BNIP1: variants seen among roughly 807,000 people sequenced by gnomAD.
The protein encoded by BNIP1 is vesicle transport protein SEC20.
BNIP1 carries 25 observed loss-of-function variants against 28.5 expected under a neutral mutation model. That is an observed-to-expected ratio of 0.88 (90% confidence interval 0.64 to 1.23). The LOEUF (loss-of-function observed/expected upper bound fraction) is 1.23, where lower values mean the gene tolerates loss of function less well. Ranked by LOEUF, BNIP1 falls within the 50% of genes most tolerant of loss-of-function variation. The pLI is 0.00. For synonymous variants in BNIP1, 118 were observed against 101.7 expected, an observed-to-expected ratio of 1.16 and a Z score of -0.96; for missense variants, 276 against 277.0, an observed-to-expected ratio of 1.00 and a Z score of 0.02.
intron 3 of BNIP1, among the ~76,000 whole-genome samples, chr5:173,157,384 A>G (rs5745152): frequency 0.029 from 4,473 of 152,094 alleles, 102 homozygotes; most frequent in Middle Eastern, 0.14. Context: ...AGACGCAGTT[A>G]GCTTTTTTAT....
At chr5:173,148,712 A>G (rs911504886) in intron 2 of BNIP1, among the ~76,000 whole-genome samples, 2 of 151,756 alleles carry the variant, frequency 1.3e-5, no homozygotes, top group African/African-American at 4.8e-5. Context: ...GCTCCTCTTC[A>G]TGCCCCTCTA....
At chr5:173,154,439 G>A (rs373926535) in intron 3 of BNIP1, 26 bp downstream of exon 3, 41 of 1,561,596 alleles carry the variant, frequency 2.6e-5, no homozygotes, top group African/African-American at 1.8e-4. Flanking sequence ...CCCCGCCAGC[G>A]GCTTCTGCTG....
intron 5 of BNIP1, chr5:173,161,465 C>T (rs903415692): frequency 6.6e-6 from 1 of 152,244 alleles, no homozygotes; most frequent in Non-Finnish European, 1.5e-5. Flanking sequence ...CTTTTATGCT[C>T]TGGTGTGGCG....
At chr5:173,147,523 C>A (rs61331217) in intron 2 of BNIP1, among the ~76,000 whole-genome samples, 1 of 152,080 alleles carries the variant, frequency 6.6e-6, no homozygotes, top group Admixed American at 6.5e-5. Context: ...CAAATACTTT[C>A]TCTTCTCTGC....
rs1156987141 is a variant in BNIP1, at chr5:173,158,730, C to T, written c.270-14C>T. On this transcript the variant is annotated splice_polypyrimidine_tract_variant and intron_variant, in intron 3 of 5. Coordinates refer to ENST00000351486, the MANE Select transcript of BNIP1 (RefSeq NM_001205.3). ...TGGAGTGGACACACTCACACGTGAA[C>T]CTTCCAATTCCAGCAATCAGGCCTC... is the stretch of plus-strand genomic sequence containing the variant. 1.6e-5 allele frequency: 25 copies of T among 1,606,602 alleles called. No homozygotes were observed. Among genetic ancestry groups the T allele is most frequent in the Non-Finnish European group, 2.1e-5 (25 of 1,174,446 alleles).
In BNIP1 at chr5:173,151,598, T is replaced by C. The variant is rs142177831; in HGVS notation, c.178-2724T>C. 5 of 1,613,530 alleles carry C rather than the reference T, an allele frequency of 3.1e-6. No individual in the cohort carries two copies. The African/African-American group carries it at 6.7e-5, about 22-fold the overall frequency. ...TCTATCAAAGGGCATTTATTTGGAC[T>C]GCTTCCACATTTTTTTTTAAGCTAA... On this transcript the variant is annotated intron_variant, in intron 2 of 5. Transcript: ENST00000351486.
Position 173,163,938 on chromosome 5 carries a change from G to A in BNIP1, c.*17G>A. ...TTTTTGTGAGATCCCAAAGGTGCCA[G>A]TTCTGGCCCTTTCAGCTCCTGTTTC... On this transcript the variant is annotated 3_prime_UTR_variant, in exon 6 of 6. Coordinates refer to ENST00000351486, the MANE Select transcript of BNIP1 (RefSeq NM_001205.3). 6.3e-7 allele frequency: 1 copy of A among 1,576,118 alleles called. No individual in the cohort carries two copies. The highest frequency in any genetic ancestry group is 2.3e-5 in the East Asian group (1 of 44,184).
chr5:173,151,394 G>A (rs1760012808), intron 2 of BNIP1, among the ~76,000 whole-genome samples: 1 of 151,534 alleles, frequency 6.6e-6, no homozygotes. Flanking sequence ...GCAAATTTTT[G>A]TAGTTTTTAT....
chr5:173,162,931 A>G (rs937565128), intron 5 of BNIP1, among the ~76,000 whole-genome samples: 4 of 152,098 alleles, frequency 2.6e-5, no homozygotes, highest in African/African-American at 4.8e-5. Flanking sequence ...ATGAAATACC[A>G]TTTATCTCCC....
At position 173,164,255 on chromosome 5, in the gene BNIP1, G is replaced by A. The variant is rs760606255; in HGVS notation, c.*334G>A. 1.9e-5 allele frequency: 4 copies of A among 212,214 alleles called. No homozygotes were observed. Among genetic ancestry groups the A allele is most frequent in the Non-Finnish European group, 2.8e-5 (3 of 107,778 alleles). The allele number at this position is 212,214 out of a possible 1,614,324, so 13.1% of individuals were successfully genotyped here. A position where few individuals can be genotyped will look rare whatever the true frequency, so the allele number is the denominator to read the frequency against. On this transcript the variant is annotated 3_prime_UTR_variant, in exon 6 of 6. Transcript: ENST00000351486. The surrounding 1 kb of genome is among the most constrained non-coding windows in gnomAD (Gnocchi z 4.0). ...GCCCCTCCTGTCTCCCGCTCCCATC[G>A]TGCCCTTAAATGCCAGATCTGGTGG...
chr5:173,156,249 A>G (rs1327666567), intron 3 of BNIP1, among the ~76,000 whole-genome samples: 2 of 152,196 alleles, frequency 1.3e-5, no homozygotes, highest in Non-Finnish European at 2.9e-5. Context: ...TGTATAAAGT[A>G]TGGTAAGTTA....
chr5:173,158,661 T>G, intron 3 of BNIP1, 83 bp from the exon 4 acceptor site: 29 of 1,094,604 alleles, frequency 2.6e-5, no homozygotes, highest in Non-Finnish European at 3.9e-5. Context: ...CCGTGTGCCT[T>G]TGTTGGGGGG....
Position 173,156,515 on chromosome 5 carries a change from G to T in BNIP1, c.269+2102G>T, listed in dbSNP as rs1760190064. On this transcript the variant is annotated intron_variant, in intron 3 of 5. Transcript: ENST00000351486. ...AAATTAGCTGGGGGCATGCTGATGTGTGCCTGTAGTCTCAACTACTTGGGA... is the reference window on the plus strand; with the variant it reads ...AAATTAGCTGGGGGCATGCTGATGTTTGCCTGTAGTCTCAACTACTTGGGA... Among the ~76,000 whole-genome samples, 3 of 152,086 alleles carry T rather than the reference G, an allele frequency of 2.0e-5. No homozygotes were observed. The South Asian group carries it at 6.2e-4, about 32-fold the overall frequency.
chr5:173,150,257 CAAAA>C (rs554893099), intron 2 of BNIP1, among the ~76,000 whole-genome samples: 4 of 74,266 alleles, frequency 5.4e-5, no homozygotes, highest in African/African-American at 1.0e-4. Context: ...GACCCTGTCT[CAAAA>C]AAAAAAAAAA....
At chr5:173,163,666 A>G in intron 5 of BNIP1, 59 bp from the exon 6 acceptor site, 1 of 1,455,956 alleles carries the variant, frequency 6.9e-7, no homozygotes. Flanking sequence ...CAGCAGAGTG[A>G]GGTCTTTGGA....
At chr5:173,148,056 C>G (rs1486269704) in intron 2 of BNIP1, among the ~76,000 whole-genome samples, 2 of 48,318 alleles carry the variant, frequency 4.1e-5, no homozygotes, top group Non-Finnish European at 6.9e-5. Flanking sequence ...GAGCAAGACT[C>G]TGTGTCAAAA....
At chr5:173,157,363 G>C (rs980113171) in intron 3 of BNIP1, among the ~76,000 whole-genome samples, 15 of 152,174 alleles carry the variant, frequency 9.9e-5, no homozygotes, top group African/African-American at 3.6e-4. Flanking sequence ...GTATGAGTTT[G>C]ATTCTTAGAG....
At position 173,164,168 on chromosome 5, in the gene BNIP1, T is replaced by C. The variant is rs1760445945; in HGVS notation, c.*247T>C. The C allele has an allele frequency of 8.2e-6, 3 of 365,766 alleles. No homozygotes were observed. Among genetic ancestry groups the C allele is most frequent in the East Asian group, 4.3e-5 (1 of 23,432 alleles). 22.7% of individuals were successfully genotyped at this position (365,766 alleles called of 1,614,324 possible). ...ACATACGAACCGCCTCCTTCCACCA[T>C]TGTGCACTATGGGAGGCCGCTGCTG... On this transcript the variant is annotated 3_prime_UTR_variant, in exon 6 of 6. Transcript: ENST00000351486. The surrounding 1 kb of genome is among the most constrained non-coding windows in gnomAD (Gnocchi z 4.0).
In BNIP1 at chr5:173,157,152, C is replaced by T. The variant is rs762692606; in HGVS notation, c.270-1592C>T. 5.5e-4 allele frequency among the ~76,000 whole-genome samples: 83 copies of T among 152,106 alleles called. 1 individual carries two copies. The highest frequency in any genetic ancestry group is 1.5e-4 in the Non-Finnish European group (10 of 68,032). On this transcript the variant is annotated intron_variant, in intron 3 of 5. Coordinates refer to ENST00000351486, the MANE Select transcript of BNIP1 (RefSeq NM_001205.3). Reference sequence around the variant, plus strand: ...TCTGGATCCCAGGGTCCTGCAGAACCCCCTTGCAAACTGTTTCAAAATGTA... The same window carrying T: ...TCTGGATCCCAGGGTCCTGCAGAACTCCCTTGCAAACTGTTTCAAAATGTA...
Sources: gnomAD v4.1 joint callset for allele counts (sites outside exome capture counted in the v4.1 genomes callset) on GRCh38, gnomAD v4.1.1 for gene constraint, Gnocchi (gnomAD v3.1) non-coding constraint, MANE v1.5 for transcripts, NCBI Gene and HGNC (gene_info 2026-07-23, HGNC 2026-07-21) for gene names.